Variants in TMEFF2 observed in about 807,000 individuals in gnomAD.
TMEFF2 encodes the protein transmembrane protein with EGF like and two follistatin like domains 2.
In TMEFF2, 28 loss-of-function variants were observed where a neutral mutation model predicts 53.8. That is an observed-to-expected ratio of 0.52 (90% CI 0.39 to 0.71). The LOEUF is 0.71. TMEFF2 is among the 30% of genes least tolerant of loss of function. The pLI is 0.00. For missense variants in TMEFF2, 353 were observed against 455.2 expected (o/e 0.78, Z 2.04); for synonymous variants, 162 against 166.3 (o/e 0.97, Z 0.20).
intron 4 of TMEFF2, among the ~76,000 whole-genome samples, chr2:192,140,323 G>A (rs542808542): frequency 6.6e-6 from 1 of 152,302 alleles, no homozygotes; most frequent in South Asian, 2.1e-4. Flanking sequence ...TCCTTATGGT[G>A]CCTGGCAGAT....
At chr2:192,006,060 C>T (rs1318077664) in intron 5 of TMEFF2, among the ~76,000 whole-genome samples, 3 of 140,058 alleles carry the variant, frequency 2.1e-5, no homozygotes, top group East Asian at 2.1e-4. Context: ...TCTCAGGTGA[C>T]TTTTTTTTTT....
chr2:191,997,006 T>C (rs1686238418), intron 7 of TMEFF2, among the ~76,000 whole-genome samples: 1 of 151,994 alleles, frequency 6.6e-6, no homozygotes, highest in Non-Finnish European at 1.5e-5. Context: ...GATGTATGTC[T>C]CTTAAATATT....
chr2:192,118,777 A>C (rs1689477398), intron 4 of TMEFF2, among the ~76,000 whole-genome samples: 1 of 152,196 alleles, frequency 6.6e-6, no homozygotes, highest in Non-Finnish European at 1.5e-5. Flanking sequence ...CCAGATATGA[A>C]AATACTTTAT....
intron 4 of TMEFF2, among the ~76,000 whole-genome samples, chr2:192,075,152 G>A (rs1268140624): frequency 6.6e-6 from 1 of 150,918 alleles, no homozygotes; most frequent in African/African-American, 2.4e-5. Flanking sequence ...AAGGATGAAT[G>A]TCGCTATAAT....
Position 192,189,395 on chromosome 2 carries a change from A to G in TMEFF2, c.282+2485T>C, listed in dbSNP as rs180882845. Among the ~76,000 whole-genome samples the G allele has an allele frequency of 1.3e-4, 20 of 151,730 alleles. 1 individual carries two copies. The East Asian group carries it at 3.7e-3, about 28-fold the overall frequency. On this transcript the variant is annotated intron_variant, in intron 2 of 9. Transcript: ENST00000272771. Reference sequence around the variant, plus strand: ...CGTGTGTCTACTAAAATTCAAAAAAATTAGCTGAGAATGATGGAGTGCACC... The same window carrying G: ...CGTGTGTCTACTAAAATTCAAAAAAGTTAGCTGAGAATGATGGAGTGCACC...
At chr2:192,156,929 C>T (rs1184530600) in intron 4 of TMEFF2, among the ~76,000 whole-genome samples, 1 of 151,988 alleles carries the variant, frequency 6.6e-6, no homozygotes, top group African/African-American at 2.4e-5. Flanking sequence ...CTTAAAGTCA[C>T]ATTTGAGAGC....
chr2:192,038,834 C>T (rs1173268817), intron 5 of TMEFF2, among the ~76,000 whole-genome samples: 1 of 152,166 alleles, frequency 6.6e-6, no homozygotes, highest in African/African-American at 2.4e-5. Context: ...GTATTGTTTT[C>T]CTTTTAAAAA....
At chr2:192,136,036 C>T (rs1489089802) in intron 4 of TMEFF2, among the ~76,000 whole-genome samples, 1 of 152,156 alleles carries the variant, frequency 6.6e-6, no homozygotes. Context: ...AGCCCACCTG[C>T]ACCCAGGTGA....
intron 5 of TMEFF2, among the ~76,000 whole-genome samples, chr2:192,005,198 A>T (rs940831604): frequency 1.3e-5 from 2 of 152,234 alleles, no homozygotes; most frequent in African/African-American, 4.8e-5. Context: ...CACTTGATGG[A>T]GTAAGGAACT....
At chr2:192,025,442 A>T (rs1012734810) in intron 5 of TMEFF2, among the ~76,000 whole-genome samples, 1 of 151,642 alleles carries the variant, frequency 6.6e-6, no homozygotes, top group Non-Finnish European at 1.5e-5. Context: ...AACTTGCTTC[A>T]TAAGAAGACA....
chr2:192,105,263 ATAT>A (rs905848428), intron 4 of TMEFF2, among the ~76,000 whole-genome samples: 16 of 152,092 alleles, frequency 1.1e-4, no homozygotes, highest in Admixed American at 3.3e-4. Context: ...CATAAAATTA[ATAT>A]TATTTTTCAC....
chr2:192,182,762 C>T (rs1691216588), intron 3 of TMEFF2, among the ~76,000 whole-genome samples: 1 of 151,976 alleles, frequency 6.6e-6, no homozygotes, highest in Admixed American at 6.6e-5. Context: ...ATCCTTTCCT[C>T]AATACTCTAC....
intron 7 of TMEFF2, among the ~76,000 whole-genome samples, chr2:191,980,500 A>G (rs1470690898): frequency 6.6e-6 from 1 of 152,168 alleles, no homozygotes; most frequent in Non-Finnish European, 1.5e-5. Flanking sequence ...AAGCAAGAAG[A>G]AAGGAAGAAA....
intron 4 of TMEFF2, among the ~76,000 whole-genome samples, chr2:192,123,482 T>C (rs1689607936): frequency 6.6e-6 from 1 of 152,212 alleles, no homozygotes; most frequent in African/African-American, 2.4e-5. Context: ...TTGGTTTTCA[T>C]AGTGTAGTCT....
At chr2:192,120,517 T>A (rs1689524328) in intron 4 of TMEFF2, among the ~76,000 whole-genome samples, 1 of 152,190 alleles carries the variant, frequency 6.6e-6, no homozygotes, top group South Asian at 2.1e-4. Context: ...CTGTGAGGCA[T>A]AAAATCCAAC....
At chr2:192,144,565 G>A (rs781771074) in intron 4 of TMEFF2, among the ~76,000 whole-genome samples, 3 of 151,972 alleles carry the variant, frequency 2.0e-5, no homozygotes, top group Non-Finnish European at 2.9e-5. Flanking sequence ...TTATTTTGTA[G>A]ACAACCATAG....
chr2:192,046,984 G>A (rs916068225), intron 5 of TMEFF2, among the ~76,000 whole-genome samples: 1 of 151,536 alleles, frequency 6.6e-6, no homozygotes, highest in East Asian at 1.9e-4. Flanking sequence ...GCAGTGGCGT[G>A]ATCTTGGCTC....
rs770978245 is a variant in TMEFF2, at chr2:191,949,109, G to A, written c.*1202C>T. On this transcript the variant is annotated 3_prime_UTR_variant, in exon 10 of 10. Transcript: ENST00000272771. ...TGTTAGCCATGGAAAGCTTTGCAGA[G>A]CTAAATGATAATAATTGATTTATTT... 150 of 984,900 alleles carry A rather than the reference G, an allele frequency of 1.5e-4. No individual in the cohort carries two copies. Among genetic ancestry groups the A allele is most frequent in the African/African-American group, 1.9e-4 (11 of 57,138 alleles). The allele number at this position is 984,900 out of a possible 1,614,324, so 61.0% of individuals were successfully genotyped here. A position where few individuals can be genotyped will look rare whatever the true frequency, so the allele number is the denominator to read the frequency against.
chr2:192,193,894 G>A (rs1691535580), intron 1 of TMEFF2, among the ~76,000 whole-genome samples: 1 of 152,034 alleles, frequency 6.6e-6, no homozygotes, highest in African/African-American at 2.4e-5. Context: ...ACCTTTGCCA[G>A]GAATCAGCGA....
Sources: allele counts gnomAD v4.1 joint callset (sites outside exome capture counted in the v4.1 genomes callset), GRCh38; gene constraint gnomAD v4.1.1; transcripts MANE v1.5; gene names NCBI Gene and HGNC (gene_info 2026-07-23, HGNC 2026-07-21).